SEMA5B: variants seen among roughly 807,000 people sequenced by gnomAD.
The protein encoded by SEMA5B is semaphorin 5B, also known as semaphorin-5B.
SEMA5B carries 66 observed loss-of-function variants against 135.0 expected under a neutral mutation model. The observed-to-expected ratio is 0.49, with a 90% CI of 0.40 to 0.60. The LOEUF is 0.60. Ranked by LOEUF, SEMA5B falls within the 20% of genes least tolerant of loss-of-function variation. SEMA5B has a pLI of 0.00. For missense variants in SEMA5B, 1,501 were observed against 1,566.3 expected, an observed-to-expected ratio of 0.96 and a Z score of 0.70; for synonymous variants, 690 against 639.5, an observed-to-expected ratio of 1.08 and a Z score of -1.19.
intron 3 of SEMA5B, among the ~76,000 whole-genome samples, chr3:122,947,674 A>G (rs1233956424): frequency 1.3e-5 from 2 of 152,140 alleles, no homozygotes; most frequent in Non-Finnish European, 2.9e-5. Flanking sequence ...GGCAGTGACG[A>G]TCTCCTGGCA....
chr3:122,976,547 T>C (rs566599315), intron 1 of SEMA5B, among the ~76,000 whole-genome samples: 3 of 152,314 alleles, frequency 2.0e-5, no homozygotes, highest in South Asian at 4.1e-4. Context: ...CAACATTTTA[T>C]TATCAATATT....
chr3:122,953,863 C>G (rs1940164204), intron 2 of SEMA5B, among the ~76,000 whole-genome samples: 2 of 152,140 alleles, frequency 1.3e-5, no homozygotes, highest in Non-Finnish European at 2.9e-5. Context: ...GGGGTAGGCC[C>G]CAGCAGCCTC....
At chr3:123,021,468 G>C (rs1451255131) in intron 1 of SEMA5B, among the ~76,000 whole-genome samples, 3 of 152,292 alleles carry the variant, frequency 2.0e-5, no homozygotes, top group East Asian at 1.9e-4. Flanking sequence ...CCGAAAGCAG[G>C]GAAAGAAGAG....
chr3:122,964,445 C>T (rs12635744), intron 1 of SEMA5B, among the ~76,000 whole-genome samples: 21,508 of 152,188 alleles, frequency 0.14, 2,899 homozygotes, highest in African/African-American at 0.35. Flanking sequence ...CAGGCCCAGA[C>T]CTGCCTATTT....
chr3:122,952,810 G>C (rs375099957), intron 2 of SEMA5B, among the ~76,000 whole-genome samples: 4 of 152,170 alleles, frequency 2.6e-5, no homozygotes, highest in African/African-American at 9.7e-5. Flanking sequence ...AACAGAGGGA[G>C]GAGAAGGCAG....
chr3:122,973,540 C>A (rs1191203356), intron 1 of SEMA5B, among the ~76,000 whole-genome samples: 1 of 152,200 alleles, frequency 6.6e-6, no homozygotes, highest in Non-Finnish European at 1.5e-5. Context: ...ATAAAGAACA[C>A]TGAGGCCAGT....
At chr3:122,978,887 G>C (rs1055237110) in intron 1 of SEMA5B, among the ~76,000 whole-genome samples, 1 of 152,158 alleles carries the variant, frequency 6.6e-6, no homozygotes, top group Admixed American at 6.5e-5. Flanking sequence ...CTGCAGCTCT[G>C]GGCTGCTCTG....
intron 6 of SEMA5B, 137 bp from the exon 7 acceptor site, chr3:122,928,752 C>T (rs1237419691): frequency 1.8e-5 from 14 of 759,892 alleles, no homozygotes; most frequent in Middle Eastern, 2.6e-4. Flanking sequence ...CCTGTCCCGA[C>T]GTCCGGGTCA....
intron 1 of SEMA5B, among the ~76,000 whole-genome samples, chr3:123,008,668 C>T (rs955665046): frequency 5.9e-5 from 9 of 152,142 alleles, no homozygotes; most frequent in African/African-American, 1.4e-4. Context: ...GTGGGGGCTA[C>T]GCATTCAAAA....
chr3:122,938,192 C>G (rs942364025), intron 5 of SEMA5B, among the ~76,000 whole-genome samples: 2 of 152,192 alleles, frequency 1.3e-5, no homozygotes, highest in African/African-American at 4.8e-5. Flanking sequence ...ACTCAAATGC[C>G]TTGTACCATG....
intron 5 of SEMA5B, among the ~76,000 whole-genome samples, chr3:122,936,996 A>G (rs1180933277): frequency 6.6e-6 from 1 of 152,230 alleles, no homozygotes; most frequent in Admixed American, 6.5e-5. Flanking sequence ...TCTTTACGTA[A>G]TGTTAATTAT....
In SEMA5B at chr3:122,980,830, C is replaced by T. The variant is rs114735794; in HGVS notation, c.-38-19529G>A. ...CAGTAACTCCCCAATCCCCACTCCCCGCCTGCTCCTGAGAGCCACCATTTC... is the reference window on the plus strand; with the variant it reads ...CAGTAACTCCCCAATCCCCACTCCCTGCCTGCTCCTGAGAGCCACCATTTC... On this transcript the variant is annotated intron_variant, in intron 1 of 22. Transcript: ENST00000357599. Among the ~76,000 whole-genome samples, 550 of 152,302 alleles carry T rather than the reference C, an allele frequency of 3.6e-3. 6 individuals carry two copies. The highest frequency in any genetic ancestry group is 0.012 in the African/African-American group (517 of 41,570).
chr3:122,921,757 G>A (rs1938355339), intron 12 of SEMA5B, among the ~76,000 whole-genome samples, 158 bp downstream of exon 12: 1 of 152,240 alleles, frequency 6.6e-6, no homozygotes, highest in Non-Finnish European at 1.5e-5. Flanking sequence ...GATGTTTTAC[G>A]AGGAGAGAAC....
In SEMA5B at chr3:122,912,926, G is replaced by C; in HGVS notation, c.2642C>G (p.Thr881Ser). ...GCCCCCGTTGCGGGGCTCCGGGTTA[G>C]TGCACGTTCTCTTGCGGACGCGGAA... ...LGFRVRKRTC[T>S]NPEPRNGGLP... Residue 881 changes from threonine to serine, a missense_variant, in exon 18 of 23, where the codon ACT becomes AGT. Physicochemically the swap from Thr to Ser is moderately conservative, Grantham distance 58. Coordinates refer to ENST00000357599, the MANE Select transcript of SEMA5B (RefSeq NM_001031702.4). The C allele has an allele frequency of 6.2e-7, 1 of 1,612,422 alleles. No homozygotes were observed. Among genetic ancestry groups the C allele is most frequent in the Non-Finnish European group, 8.5e-7 (1 of 1,179,358 alleles).
rs1938493614 is a variant in SEMA5B, at chr3:122,923,820, C to T, written c.1137-68G>A. ...CCTGGCACCCTCCTCATAAACCCCA[C>T]AGCCAGCTGTCATGTCCAATTCCCA... On this transcript the variant is annotated intron_variant, in intron 9 of 22. Coordinates refer to ENST00000357599, the MANE Select transcript of SEMA5B (RefSeq NM_001031702.4). The T allele has an allele frequency of 1.0e-5, 16 of 1,573,020 alleles. No individual in the cohort carries two copies. The South Asian group carries it at 1.8e-4, about 17-fold the overall frequency.
At chr3:122,958,261 C>T (rs1338511137) in intron 2 of SEMA5B, 1 of 152,310 alleles carries the variant, frequency 6.6e-6, no homozygotes, top group Non-Finnish European at 1.5e-5. Flanking sequence ...TCAGGCCAGT[C>T]CTCTTCCCCA....
At chr3:122,961,346 C>T (rs777433949) in intron 1 of SEMA5B, 45 bp from the exon 2 acceptor site, 3 of 1,567,098 alleles carry the variant, frequency 1.9e-6, no homozygotes, top group South Asian at 1.2e-5. Flanking sequence ...CATGATGAAC[C>T]AGGCAAAAGA....
intron 5 of SEMA5B, among the ~76,000 whole-genome samples, chr3:122,932,007 G>A (rs1430171964): frequency 6.6e-6 from 1 of 152,228 alleles, no homozygotes. Context: ...ACTGTCAGAT[G>A]TCTTTAACTG....
At position 122,910,870 on chromosome 3, in the gene SEMA5B, C is replaced by T; in HGVS notation, c.3267G>A (p.Lys1089=). The T allele has an allele frequency of 6.2e-7, 1 of 1,608,806 alleles. No individual in the cohort carries two copies. The highest frequency in any genetic ancestry group is 1.1e-5 in the South Asian group (1 of 90,908). Residue 1089 remains lysine (K), a synonymous_variant, in exon 22 of 23, where the codon AAG becomes AAA. Coordinates refer to ENST00000357599, the MANE Select transcript of SEMA5B (RefSeq NM_001031702.4). ...HLHYKGGGTP[K]NEKYTPMEFK... ...ATTCCATGGGTGTGTACTTTTCATT[C>T]TTCGGGGTGCCTCCGCCCTTGTAGT...
Sources: gnomAD v4.1 joint callset for allele counts (sites outside exome capture counted in the v4.1 genomes callset) on GRCh38, gnomAD v4.1.1 for gene constraint, MANE v1.5 for transcripts, NCBI Gene and HGNC (gene_info 2026-07-23, HGNC 2026-07-21) for gene names.